PHF19: variants seen among roughly 807,000 people sequenced by gnomAD.
PHF19 encodes the protein polycomb like 3.
In PHF19, 21 loss-of-function variants were observed where a neutral mutation model predicts 79.8. The ratio of observed to expected loss-of-function variants is 0.26; its 90% confidence interval spans 0.19 to 0.38. The LOEUF (loss-of-function observed/expected upper bound fraction) is 0.38. PHF19 is among the 10% of genes least tolerant of loss of function. The probability of loss-of-function intolerance (pLI) is 1.00; values close to 1 mark genes in which losing one functional copy is unlikely to be tolerated. For synonymous variants in PHF19, 273 were observed against 296.3 expected, an observed-to-expected ratio of 0.92 and a Z score of 0.81; for missense variants, 445 against 744.2, an observed-to-expected ratio of 0.60 and a Z score of 4.68.
At chr9:120,885,271 G>T (rs1200485876) in intron 1 of PHF19, among the ~76,000 whole-genome samples, 1 of 152,090 alleles carries the variant, frequency 6.6e-6, no homozygotes, top group Non-Finnish European at 1.5e-5. Context: ...TTTCAGATGG[G>T]GAAACGGATA....
upstream of PHF19, among the ~76,000 whole-genome samples, chr9:120,880,492 T>C (rs1023142998): frequency 6.6e-6 from 1 of 151,166 alleles, no homozygotes. Context: ...AGACTCCGTC[T>C]CAACAAACAA....
At chr9:120,876,525 C>A (rs2046062271) in intron 1 of PHF19, 1 of 152,040 alleles carries the variant, frequency 6.6e-6, no homozygotes, top group Non-Finnish European at 1.5e-5. Flanking sequence ...AACCCATTTG[C>A]AAAGAAATGC....
rs765680104 is a variant in PHF19, at chr9:120,869,350, C to G, written c.466-20G>C. The G allele has an allele frequency of 1.2e-6, 2 of 1,608,806 alleles. No individual in the cohort carries two copies. The highest frequency in any genetic ancestry group is 2.7e-5 in the African/African-American group (2 of 75,030). On this transcript the variant is annotated intron_variant, in intron 5 of 14. Coordinates refer to ENST00000373896, the MANE Select transcript of PHF19 (RefSeq NM_015651.3). This position sits in a 1 kb window ranked among gnomAD's most constrained non-coding sequence, Gnocchi z 5.8. ...GCCTTTCTGGGGGGAGACGAGGGCC[C>G]CAGTCAACCACCAGGTCCGGGTGGA...
intron 6 of PHF19, chr9:120,868,864 C>A: frequency 9.1e-7 from 1 of 1,102,334 alleles, no homozygotes; most frequent in African/African-American, 1.6e-5. Flanking sequence ...CCCGAGGCCT[C>A]GCCCCAAGGT....
chr9:120,871,313 C>T (rs1173451168), intron 3 of PHF19, among the ~76,000 whole-genome samples: 3 of 152,156 alleles, frequency 2.0e-5, no homozygotes. Flanking sequence ...TAAATTGAGT[C>T]CCAGATACCC....
intron 1 of PHF19, among the ~76,000 whole-genome samples, chr9:120,893,429 A>T (rs1588141640): frequency 6.6e-6 from 1 of 150,874 alleles, no homozygotes; most frequent in Non-Finnish European, 1.5e-5. Flanking sequence ...CTGCCCCATC[A>T]CTCCCCTCTC....
chr9:120,866,018 AC>A lies in PHF19; in HGVS notation c.779+9del. The stretch of plus-strand genomic sequence containing the variant: ...AGCAGCGGTGGTTGGACTAAGCCCC[AC>A]CCTCTCACCATCGCAGGGGCAGCCT... On this transcript the variant is annotated intron_variant, in intron 8 of 14. Coordinates refer to ENST00000373896, the MANE Select transcript of PHF19 (RefSeq NM_015651.3). The surrounding 1 kb of genome is among the most constrained non-coding windows in gnomAD (Gnocchi z 5.2). 1 of 1,608,510 alleles carries A rather than the reference AC, an allele frequency of 6.2e-7. No homozygotes were observed. The highest frequency in any genetic ancestry group is 8.5e-7 in the Non-Finnish European group (1 of 1,175,298).
chr9:120,870,433 C>G lies in PHF19; in HGVS notation c.364+10G>C. The G allele has an allele frequency of 6.3e-7, 1 of 1,583,630 alleles. No individual in the cohort carries two copies. On this transcript the variant is annotated intron_variant, in intron 4 of 14. Coordinates refer to ENST00000373896, the MANE Select transcript of PHF19 (RefSeq NM_015651.3). The surrounding 1 kb of genome is among the most constrained non-coding windows in gnomAD (Gnocchi z 4.4). The stretch of plus-strand genomic sequence containing the variant: ...CGGGGCCTTCTCAGGGCCCTGCTCG[C>G]TCCACTCACCCAGGCCACACTTCCC...
intron 1 of PHF19, among the ~76,000 whole-genome samples, chr9:120,892,352 G>A (rs1168062359): frequency 1.3e-5 from 2 of 152,098 alleles, no homozygotes; most frequent in South Asian, 2.1e-4. Flanking sequence ...GTGGGGAGGC[G>A]GTGGGGAGCG....
chr9:120,877,092 G>A lies in PHF19; in HGVS notation c.-17C>T, dbSNP rs2046085190. ...TCCGCCCAACAGCGCAGAACTCACC[G>A]CGAGGCTGCGTGTCCGCCGGTCCCA... On this transcript the variant is annotated splice_region_variant and 5_prime_UTR_variant, in exon 1 of 15. Transcript: ENST00000373896. The A allele has an allele frequency of 1.0e-5, 10 of 985,234 alleles. No individual in the cohort carries two copies. Among genetic ancestry groups the A allele is most frequent in the Non-Finnish European group, 1.2e-5 (10 of 829,846 alleles). The allele number at this position is 985,234 out of a possible 1,614,324, so 61.0% of individuals were successfully genotyped here.
chr9:120,882,859 A>AAG (rs397714081), intron 1 of PHF19, among the ~76,000 whole-genome samples: 8 of 150,950 alleles, frequency 5.3e-5, no homozygotes, highest in African/African-American at 1.9e-4. Flanking sequence ...AAAAAAAAAA[A>AAG]GAAAGAAACT....
upstream of PHF19, among the ~76,000 whole-genome samples, chr9:120,898,745 T>C (rs2046419952): frequency 1.3e-5 from 2 of 152,186 alleles, no homozygotes; most frequent in Non-Finnish European, 2.9e-5. Flanking sequence ...GGGTGAGTGA[T>C]TTTTTACCCC....
intron 1 of PHF19, among the ~76,000 whole-genome samples, chr9:120,883,424 G>A (rs1451810807): frequency 2.6e-5 from 4 of 152,208 alleles, no homozygotes; most frequent in African/African-American, 4.8e-5. Flanking sequence ...AATGACAGGC[G>A]TGGCATGAAG....
intron 1 of PHF19, among the ~76,000 whole-genome samples, chr9:120,889,869 G>C (rs966688014): frequency 6.6e-6 from 1 of 152,094 alleles, no homozygotes. Flanking sequence ...AGAGAGGAAG[G>C]AAGGAAAGAG....
chr9:120,885,209 C>T (rs968161707), intron 1 of PHF19, among the ~76,000 whole-genome samples: 3 of 152,174 alleles, frequency 2.0e-5, no homozygotes, highest in African/African-American at 7.2e-5. Flanking sequence ...CAGAGTGAGA[C>T]CCTGTGTCTT....
At chr9:120,902,581 T>G in the PHF19 span, 1 of 151,598 alleles carries the variant, frequency 6.6e-6, no homozygotes, top group Non-Finnish European at 1.5e-5. Context: ...CCCTTCTGAC[T>G]CCCTCCCCCA....
At chr9:120,863,431 G>C (rs1339014993) in intron 10 of PHF19, among the ~76,000 whole-genome samples, 2 of 152,098 alleles carry the variant, frequency 1.3e-5, no homozygotes, top group Non-Finnish European at 2.9e-5. Context: ...ATGAATACTT[G>C]TTGATGGAAC....
the PHF19 span, among the ~76,000 whole-genome samples, chr9:120,901,179 A>G: frequency 6.8e-6 from 1 of 148,090 alleles, no homozygotes. Flanking sequence ...AGAAACTGGA[A>G]GCAAATACCT....
intron 3 of PHF19, among the ~76,000 whole-genome samples, chr9:120,871,531 CCAAG>C (rs1310334303): frequency 1.3e-5 from 2 of 152,210 alleles, no homozygotes; most frequent in Middle Eastern, 3.4e-3. Flanking sequence ...ATCAAAGTCC[CCAAG>C]TAAAGTCCAT....
Sources: gnomAD v4.1 joint callset for allele counts (sites outside exome capture counted in the v4.1 genomes callset) on GRCh38, gnomAD v4.1.1 for gene constraint, Gnocchi (gnomAD v3.1) non-coding constraint, MANE v1.5 for transcripts, NCBI Gene and HGNC (gene_info 2026-07-23, HGNC 2026-07-21) for gene names.